The following PCDH15 variants were observed in gnomAD, a reference collection of about 807,000 sequenced individuals.
The protein encoded by PCDH15 is protocadherin-15.
In PCDH15, 129 loss-of-function variants were observed where a neutral mutation model predicts 178.5. That is an observed-to-expected ratio of 0.72 (90% CI 0.63 to 0.84). The LOEUF is 0.84. Ranked by LOEUF, PCDH15 falls within the 40% of genes least tolerant of loss-of-function variation. The pLI is 0.00. For synonymous variants in PCDH15, 800 were observed against 732.0 expected, an observed-to-expected ratio of 1.09 and a Z score of -1.50; for missense variants, 2,230 against 2,099.9, an observed-to-expected ratio of 1.06 and a Z score of -1.21.
intron 3 of PCDH15, among the ~76,000 whole-genome samples, chr10:54,411,040 T>C (rs539438715): frequency 3.4e-4 from 52 of 152,286 alleles, no homozygotes; most frequent in African/African-American, 1.1e-3. Flanking sequence ...TCTGTATGTG[T>C]GTTTGTGTGT....
chr10:54,777,803 CA>C (rs1179092107), intron 1 of PCDH15, among the ~76,000 whole-genome samples: 1 of 151,660 alleles, frequency 6.6e-6, no homozygotes, highest in Non-Finnish European at 1.5e-5. Flanking sequence ...TTCTTTTTGC[CA>C]AAAGAAAGTA....
intron 8 of PCDH15, among the ~76,000 whole-genome samples, chr10:54,250,077 C>CTATTTTTTTTTT (rs1412806029): frequency 0.01 from 1,397 of 137,676 alleles, 30 homozygotes; most frequent in African/African-American, 0.036. Context: ...CCACATCCGG[C>CTATTTTTTTTTT]TTTTTTTTTT....
intron 2 of PCDH15, among the ~76,000 whole-genome samples, chr10:54,549,250 G>A (rs2086259934): frequency 6.6e-6 from 1 of 150,620 alleles, no homozygotes; most frequent in Non-Finnish European, 1.5e-5. Flanking sequence ...ATTTCAGATA[G>A]ATGCTTATTT....
At chr10:54,880,001 T>G (rs1954231989) in intron 3 of PCDH15, among the ~76,000 whole-genome samples, 1 of 152,176 alleles carries the variant, frequency 6.6e-6, no homozygotes, top group Non-Finnish European at 1.5e-5. Context: ...ATCTACACTG[T>G]GATCACTACC....
rs539957719 is a variant in PCDH15 at position 55,529,051 on chromosome 10, T to C, written c.-156+98574A>G. ...TTTTGAGAAGTGTCTGTTCATATCC[T>C]TTGCCCACTTTTTGATGGGGTTGTT... On this transcript the variant is annotated intron_variant, in intron 2 of 5. Transcript: ENST00000613346. 4.0e-3 allele frequency among the ~76,000 whole-genome samples: 609 copies of C among 152,260 alleles called. 8 individuals are homozygous for C. Among genetic ancestry groups the C allele is most frequent in the African/African-American group, 0.014 (577 of 41,542 alleles).
intron 6 of PCDH15, among the ~76,000 whole-genome samples, chr10:54,330,980 G>A (rs1292807398): frequency 6.6e-6 from 1 of 151,342 alleles, no homozygotes; most frequent in African/African-American, 2.4e-5. Flanking sequence ...GAAAGAGAGG[G>A]AAAGAAAAAT....
chr10:55,116,406 T>A (rs1000395175), intron 2 of PCDH15, among the ~76,000 whole-genome samples: 3 of 152,122 alleles, frequency 2.0e-5, no homozygotes, highest in African/African-American at 7.2e-5. Flanking sequence ...TAGTTCAATA[T>A]AATAGGTAAG....
intron 2 of PCDH15, among the ~76,000 whole-genome samples, chr10:54,558,802 A>G (rs774175937): frequency 9.2e-5 from 14 of 152,202 alleles, no homozygotes; most frequent in South Asian, 2.1e-4. Context: ...CACCCAAACT[A>G]GAATATTTGT....
intron 29 of PCDH15, among the ~76,000 whole-genome samples, chr10:53,836,744 A>G (rs181628282): frequency 4.5e-4 from 69 of 152,346 alleles, no homozygotes; most frequent in African/African-American, 1.6e-3. Context: ...AGTAGGACAC[A>G]AAAAGCCTAC....
intron 25 of PCDH15, among the ~76,000 whole-genome samples, chr10:53,918,919 G>T (rs913602735): frequency 6.6e-6 from 1 of 152,160 alleles, no homozygotes; most frequent in East Asian, 1.9e-4. Flanking sequence ...TCTTTCTAGA[G>T]CCTCTAGGGC....
intron 11 of PCDH15, among the ~76,000 whole-genome samples, chr10:54,190,294 T>C (rs1300196645): frequency 6.6e-6 from 1 of 152,220 alleles, no homozygotes; most frequent in African/African-American, 2.4e-5. Context: ...TGCTTGAGGC[T>C]TAATCTCTAA....
At chr10:54,119,622 C>T (rs2095179544) in intron 15 of PCDH15, among the ~76,000 whole-genome samples, 1 of 152,054 alleles carries the variant, frequency 6.6e-6, no homozygotes, top group Admixed American at 6.6e-5. Flanking sequence ...GAAAGGTAGA[C>T]ATCCAGAAAC....
chr10:53,866,378 A>T (rs1485841899), intron 27 of PCDH15, among the ~76,000 whole-genome samples: 1 of 151,266 alleles, frequency 6.6e-6, no homozygotes, highest in Non-Finnish European at 1.5e-5. Context: ...TTACAATCAT[A>T]TTTTTTCAAA....
intron 2 of PCDH15, among the ~76,000 whole-genome samples, chr10:54,994,137 A>G (rs769441069): frequency 3.6e-4 from 55 of 152,306 alleles, no homozygotes; most frequent in Admixed American, 9.8e-4. Flanking sequence ...GTAGCTTTTT[A>G]AAAAATGATG....
rs1204826147 is a variant in PCDH15, at chr10:53,831,435, G to A, written c.4082C>T (p.Thr1361Ile). Residue 1361 changes from threonine to isoleucine, a missense_variant, in exon 30 of 38, where the codon ACC becomes ATC. Transcript: ENST00000644397. ...ACTTTCTCCTCTCTTTTTAATGCTG[G>A]TCACTGCCTCTGGAGTCCGGATCTC... is the stretch of plus-strand genomic sequence containing the variant. ...ILEIRTPEAV[T>I]SIKKRGESLG... 1 of 1,614,062 alleles carries A rather than the reference G, an allele frequency of 6.2e-7. No individual in the cohort carries two copies. The highest frequency in any genetic ancestry group is 1.3e-5 in the African/African-American group (1 of 75,010).
At chr10:54,755,973 C>A (rs1202201763) in intron 1 of PCDH15, among the ~76,000 whole-genome samples, 3 of 151,824 alleles carry the variant, frequency 2.0e-5, no homozygotes, top group Admixed American at 6.6e-5. Flanking sequence ...GTAATCCCAG[C>A]ACTTTGGCAG....
At chr10:55,621,269 T>G (rs542401825) in intron 2 of PCDH15, among the ~76,000 whole-genome samples, 8 of 152,336 alleles carry the variant, frequency 5.3e-5, no homozygotes, top group African/African-American at 1.9e-4. Flanking sequence ...TTTTAAAAAT[T>G]TCTTTATAGA....
intron 8 of PCDH15, among the ~76,000 whole-genome samples, chr10:54,248,014 T>C (rs911367431): frequency 6.6e-6 from 1 of 150,626 alleles, no homozygotes; most frequent in East Asian, 1.9e-4. Context: ...GTTAGTTTTT[T>C]AAATTGATAA....
rs1453415746 is a variant in PCDH15 at position 55,241,506 on chromosome 10, A to G, written c.-155-74855T>C. On this transcript the variant is annotated intron_variant, in intron 1 of 5. Transcript: ENST00000458638. The stretch of plus-strand genomic sequence containing the variant: ...GTAAATGCAGCTCACTGCAGCCTCA[A>G]CCTCCCGGGCTCAAGTGATCATCCT... 2.0e-5 allele frequency among the ~76,000 whole-genome samples: 3 copies of G among 152,054 alleles called. No homozygotes were observed. In the East Asian group the frequency reaches 5.8e-4, roughly 30 times the overall value.
Sources: gnomAD v4.1 joint callset for allele counts (sites outside exome capture counted in the v4.1 genomes callset) on GRCh38, gnomAD v4.1.1 for gene constraint, MANE v1.5 for transcripts, NCBI Gene and HGNC (gene_info 2026-07-23, HGNC 2026-07-21) for gene names.